NLGN4X: variants seen among roughly 807,000 people sequenced by gnomAD.
The protein encoded by NLGN4X is neuroligin 4 X-linked, also known as neuroligin-4, X-linked.
In NLGN4X, 3 loss-of-function variants were observed where a neutral mutation model predicts 40.3. The ratio of observed to expected loss-of-function variants is 0.07; its 90% CI spans 0.03 to 0.19. The LOEUF is 0.19. Ranked by LOEUF, NLGN4X falls within the 10% of genes least tolerant of loss-of-function variation. The pLI is 1.00. For missense variants in NLGN4X, 382 were observed against 708.3 expected (o/e 0.54, Z 5.23); for synonymous variants, 270 against 306.8 (o/e 0.88, Z 1.25).
At chrX:6,083,205 G>A (rs1412031129) in intron 2 of NLGN4X, among the ~76,000 whole-genome samples, 11 of 106,035 alleles carry the variant, frequency 1.0e-4, no homozygotes, top group African/African-American at 3.8e-4. Context: ...TGATCCGCCT[G>A]CCTCAGCCTC....
At chrX:5,921,408 A>AGAGAGG (rs1434907060) in intron 3 of NLGN4X, among the ~76,000 whole-genome samples, 5 of 103,590 alleles carry the variant, frequency 4.8e-5, no homozygotes, top group African/African-American at 1.7e-4. Flanking sequence ...AGAGAGAGAG[A>AGAGAGG]GAGAGAGAGA....
In NLGN4X at chrX:6,116,391, C is replaced by CTTTTTTTTTTTTTTTTTTTTT. The variant is rs1157468420; in HGVS notation, c.472+34583_472+34603dup. Among the ~76,000 whole-genome samples the CTTTTTTTTTTTTTTTTTTTTT allele has an allele frequency of 9.0e-5, 2 of 22,279 alleles. 1 individual carries two copies. Among genetic ancestry groups the CTTTTTTTTTTTTTTTTTTTTT allele is most frequent in the Admixed American group, 1.6e-3 (2 of 1,254 alleles). The allele number at this position is 22,279 out of a possible 115,157, so 19.3% of individuals were successfully genotyped here. ...ACAAGTAGGTATTGAACCTTTCTTT[C>CTTTTTTTTTTTTTTTTTTTTT]TTTTTTTTTTTTTTTTTTTTTTTTT... On this transcript the variant is annotated intron_variant, in intron 2 of 5. Transcript: ENST00000381095.
chrX:6,002,660 T>C (rs976505806), intron 3 of NLGN4X, among the ~76,000 whole-genome samples: 1 of 111,874 alleles, frequency 8.9e-6, no homozygotes, highest in Non-Finnish European at 1.9e-5. Flanking sequence ...TCCCGGTAAG[T>C]GCCCCACCCT....
chrX:6,221,391 T>TA (rs1556014058), intron 1 of NLGN4X, among the ~76,000 whole-genome samples: 3 of 53,374 alleles, frequency 5.6e-5, no homozygotes, highest in South Asian at 1.3e-3. Context: ...CCTTCTTATA[T>TA]TATATATATA....
rs1174984681 is a variant in NLGN4X, at chrX:5,895,828, TTTTA to T, written c.1602-2166_1602-2163del. 1.3e-4 allele frequency among the ~76,000 whole-genome samples: 15 copies of T among 111,837 alleles called. 1 individual carries two copies. Among genetic ancestry groups the T allele is most frequent in the African/African-American group, 4.9e-4 (15 of 30,778 alleles). On this transcript the variant is annotated intron_variant, in intron 5 of 5. Transcript: ENST00000381095. Reference sequence around the variant, plus strand: ...ATATATTTGAAAAGTCTTCTGCTTTTTTTATTTATTATGCATGTATTCTTACATG... The same window carrying T: ...ATATATTTGAAAAGTCTTCTGCTTTTTTTATTATGCATGTATTCTTACATG...
At chrX:6,042,406 T>C (rs2037181466) in intron 2 of NLGN4X, among the ~76,000 whole-genome samples, 2 of 108,594 alleles carry the variant, frequency 1.8e-5, no homozygotes, top group African/African-American at 3.3e-5. Flanking sequence ...AATGTTTCTG[T>C]CCTCAGAAAT....
chrX:6,087,170 T>G (rs1002374024), intron 2 of NLGN4X, among the ~76,000 whole-genome samples: 1 of 111,922 alleles, frequency 8.9e-6, no homozygotes, highest in African/African-American at 3.3e-5. Flanking sequence ...GGTTTTTCAT[T>G]TTCTCTGCCA....
At chrX:6,215,272 C>T (rs1346204056) in intron 1 of NLGN4X, among the ~76,000 whole-genome samples, 1 of 111,372 alleles carries the variant, frequency 9.0e-6, no homozygotes, top group Non-Finnish European at 1.9e-5. Context: ...AAATCACGGC[C>T]GGGCATGGTG....
intron 1 of NLGN4X, among the ~76,000 whole-genome samples, chrX:6,221,685 T>C (rs1382610776): frequency 9.1e-6 from 1 of 109,973 alleles, no homozygotes; most frequent in Non-Finnish European, 1.9e-5. Context: ...CACAGAGTTA[T>C]AGTCACAGAG....
chrX:6,112,563 TTTC>T (rs1007965965), intron 2 of NLGN4X, among the ~76,000 whole-genome samples: 3 of 101,357 alleles, frequency 3.0e-5, no homozygotes, highest in African/African-American at 1.3e-4. Context: ...TAGTCCCCGC[TTTC>T]TTTTTTTTTT....
chrX:5,986,056 T>A (rs1184743467), intron 3 of NLGN4X, among the ~76,000 whole-genome samples: 1 of 112,059 alleles, frequency 8.9e-6, no homozygotes, highest in African/African-American at 3.2e-5. Context: ...TGGGAAAATT[T>A]AATAGACCTA....
chrX:6,216,058 G>T (rs1337995996), intron 1 of NLGN4X, among the ~76,000 whole-genome samples: 1 of 110,632 alleles, frequency 9.0e-6, no homozygotes, highest in Non-Finnish European at 1.9e-5. Flanking sequence ...TGTATTTTTA[G>T]TAGAGATGGG....
chrX:6,219,527 T>C (rs1255681261), intron 1 of NLGN4X, among the ~76,000 whole-genome samples: 2 of 103,477 alleles, frequency 1.9e-5, no homozygotes, highest in Non-Finnish European at 4.0e-5. Flanking sequence ...CTGCTTCCTT[T>C]CTTCCTTCCT....
At chrX:5,946,745 A>C (rs1320542443) in intron 3 of NLGN4X, among the ~76,000 whole-genome samples, 1 of 111,223 alleles carries the variant, frequency 9.0e-6, no homozygotes, top group East Asian at 2.9e-4. Flanking sequence ...AACTAGTGTC[A>C]TGGGGGTTTG....
chrX:5,951,669 T>C lies in NLGN4X; in HGVS notation c.626-42430A>G, dbSNP rs760132771. Among the ~76,000 whole-genome samples, 29 of 111,361 alleles carry C rather than the reference T, an allele frequency of 2.6e-4. 1 individual carries two copies. The East Asian group carries it at 6.3e-3, about 24-fold the overall frequency. ...TGGTGAGGACCCACTTTCTGGGTCA[T>C]AGACAGCGCCTTCTTGCTGTGTCCT... On this transcript the variant is annotated intron_variant, in intron 3 of 5. Coordinates refer to ENST00000381095, the MANE Select transcript of NLGN4X (RefSeq NM_181332.3).
intron 5 of NLGN4X, among the ~76,000 whole-genome samples, chrX:5,894,484 T>C (rs1217501363): frequency 8.9e-6 from 1 of 111,951 alleles, no homozygotes. Context: ...AAATGGTACA[T>C]ATAGTTATGA....
At chrX:6,076,395 G>C (rs2038197880) in intron 2 of NLGN4X, among the ~76,000 whole-genome samples, 1 of 111,939 alleles carries the variant, frequency 8.9e-6, no homozygotes, top group South Asian at 3.8e-4. Flanking sequence ...CATCCATCTA[G>C]GGGCTCCCAG....
intron 2 of NLGN4X, among the ~76,000 whole-genome samples, chrX:6,104,216 C>T (rs898867426): frequency 2.7e-5 from 3 of 112,218 alleles, no homozygotes. Context: ...CAGCTTAAAG[C>T]ACTGTTGGAA....
intron 1 of NLGN4X, among the ~76,000 whole-genome samples, chrX:6,224,977 C>CAT (rs34139921): frequency 0.013 from 690 of 52,219 alleles, 13 homozygotes; most frequent in African/African-American, 0.046. Context: ...TTAAAATGGC[C>CAT]ATATATATAT....
Sources: gnomAD v4.1 joint callset for allele counts (sites outside exome capture counted in the v4.1 genomes callset) on GRCh38, gnomAD v4.1.1 for gene constraint, MANE v1.5 for transcripts, NCBI Gene and HGNC (gene_info 2026-07-23, HGNC 2026-07-21) for gene names.